Variants in NWD1 observed in about 807,000 individuals in gnomAD.
NWD1 encodes the protein NACHT and WD repeat domain containing 1.
NWD1 carries 129 observed loss-of-function variants against 135.1 expected under a neutral mutation model. The observed-to-expected ratio is 0.96, with a 90% confidence interval of 0.83 to 1.11. The LOEUF is 1.11. Ranked by LOEUF, NWD1 falls within the 50% of genes least tolerant of loss-of-function variation. The pLI, the probability that NWD1 is intolerant of heterozygous loss-of-function variation, is 0.00. For missense variants in NWD1, 1,740 were observed against 1,851.3 expected (o/e 0.94, Z 1.10); for synonymous variants, 773 against 786.0 (o/e 0.98, Z 0.28).
intron 12 of NWD1, among the ~76,000 whole-genome samples, chr19:16,784,741 C>T (rs934278199): frequency 3.3e-5 from 5 of 151,722 alleles, no homozygotes; most frequent in Admixed American, 6.6e-5. Context: ...CCATCCTGGC[C>T]AACATGGTGA....
intron 3 of NWD1, 91 bp downstream of exon 3, chr19:16,731,369 CG>C (rs1967556635): frequency 8.2e-6 from 6 of 729,860 alleles, no homozygotes; most frequent in Non-Finnish European, 1.1e-5. Context: ...TGCAGTGGTG[CG>C]ATCTCGGCTC....
rs540795748 is a variant in NWD1, at chr19:16,738,726, T to A, written c.198+1976T>A. On this transcript the variant is annotated intron_variant, in intron 4 of 18. Coordinates refer to ENST00000524140, the MANE Select transcript of NWD1 (RefSeq NM_001007525.5). ...GAATAATGGGCAAAACATATATATA[T>A]AATCTATATATAATATATATATTAT... is the stretch of plus-strand genomic sequence containing the variant. Among the ~76,000 whole-genome samples the A allele has an allele frequency of 2.8e-5, 4 of 143,228 alleles. No homozygotes were observed. The South Asian group carries it at 8.5e-4, about 30-fold the overall frequency. 94.0% of individuals were successfully genotyped at this position (143,228 alleles called of 152,430 possible). A position where few individuals can be genotyped will look rare whatever the true frequency, so the allele number is the denominator to read the frequency against.
At position 16,741,554 on chromosome 19, in the gene NWD1, A is replaced by G. The variant is rs565147082; in HGVS notation, c.199-2867A>G. Among the ~76,000 whole-genome samples the G allele has an allele frequency of 2.0e-5, 3 of 151,564 alleles. No individual in the cohort carries two copies. In the South Asian group the frequency reaches 6.3e-4, roughly 32 times the overall value. On this transcript the variant is annotated intron_variant, in intron 4 of 18. Coordinates refer to ENST00000524140, the MANE Select transcript of NWD1 (RefSeq NM_001007525.5). ...CTAATTATTTTTATATTTTTAATAGATATGGGGTTTCGCTATGTTGGCCAG... is the reference window on the plus strand; with the variant it reads ...CTAATTATTTTTATATTTTTAATAGGTATGGGGTTTCGCTATGTTGGCCAG...
At chr19:16,776,345 G>A (rs1267551516) in intron 11 of NWD1, among the ~76,000 whole-genome samples, 2 of 151,840 alleles carry the variant, frequency 1.3e-5, no homozygotes, top group Non-Finnish European at 2.9e-5. Context: ...TGAGGCAGGT[G>A]GATCATGAGA....
intron 11 of NWD1, 45 bp downstream of exon 11, chr19:16,773,368 G>C (rs1228184428): frequency 6.4e-7 from 1 of 1,550,556 alleles, no homozygotes; most frequent in East Asian, 2.3e-5. Context: ...GCACCTGCTT[G>C]CCTGGGGGCA....
At chr19:16,800,763 G>A (rs767533905) in intron 17 of NWD1, among the ~76,000 whole-genome samples, 4 of 151,986 alleles carry the variant, frequency 2.6e-5, no homozygotes, top group Non-Finnish European at 4.4e-5. Context: ...ATTCAGGAAC[G>A]CCCCACATTC....
At chr19:16,751,111 C>A (rs1968559541) in intron 6 of NWD1, among the ~76,000 whole-genome samples, 1 of 151,468 alleles carries the variant, frequency 6.6e-6, no homozygotes, top group African/African-American at 2.4e-5. Flanking sequence ...GTAATCCCAG[C>A]TACTTGGGAG....
intron 10 of NWD1, among the ~76,000 whole-genome samples, chr19:16,771,441 C>A: frequency 6.6e-6 from 1 of 152,130 alleles, no homozygotes; most frequent in East Asian, 1.9e-4. Flanking sequence ...CAGAGCAAGA[C>A]TCTGTCTCAA....
chr19:16,757,415 A>G (rs1476640843), intron 6 of NWD1, among the ~76,000 whole-genome samples: 1 of 152,200 alleles, frequency 6.6e-6, no homozygotes, highest in Admixed American at 6.5e-5. Context: ...GGAAGGACCA[A>G]TGAGATCATA....
In NWD1 at chr19:16,785,657, T is replaced by A. The variant is rs192151908; in HGVS notation, c.2732-3325T>A. On this transcript the variant is annotated intron_variant, in intron 12 of 18. Coordinates refer to ENST00000524140, the MANE Select transcript of NWD1 (RefSeq NM_001007525.5). Reference sequence around the variant, plus strand: ...ACACTTATATATACATATTTTAATCTATATTTTTGTGTATGTATATATTTA... The same window carrying A: ...ACACTTATATATACATATTTTAATCAATATTTTTGTGTATGTATATATTTA... 4.8e-4 allele frequency among the ~76,000 whole-genome samples: 72 copies of A among 150,266 alleles called. 1 individual carries two copies. Among genetic ancestry groups the A allele is most frequent in the African/African-American group, 1.7e-3 (70 of 41,234 alleles).
At chr19:16,809,786 T>C (rs1245827833) in intron 18 of NWD1, among the ~76,000 whole-genome samples, 1 of 151,746 alleles carries the variant, frequency 6.6e-6, no homozygotes, top group East Asian at 2.0e-4. Flanking sequence ...CTCAATCTCC[T>C]GACCTCGTGA....
At chr19:16,769,520 C>CCAT (rs1969342987) in intron 10 of NWD1, among the ~76,000 whole-genome samples, 4 of 152,052 alleles carry the variant, frequency 2.6e-5, no homozygotes, top group Non-Finnish European at 4.4e-5. Context: ...AGATGGTTCT[C>CCAT]CCATTGTCCT....
intron 16 of NWD1, among the ~76,000 whole-genome samples, 154 bp downstream of exon 16, chr19:16,798,040 C>A (rs1047557110): frequency 6.6e-6 from 1 of 152,102 alleles, no homozygotes; most frequent in Non-Finnish European, 1.5e-5. Context: ...GTGTATCCTC[C>A]GCCCCAGTGG....
intron 14 of NWD1, among the ~76,000 whole-genome samples, chr19:16,793,799 A>G (rs143504850): frequency 6.7e-4 from 94 of 139,976 alleles, no homozygotes; most frequent in African/African-American, 2.5e-3. Context: ...ATAGTCTCAA[A>G]CTCCTGACCT....
intron 10 of NWD1, among the ~76,000 whole-genome samples, chr19:16,767,982 C>CTTTT (rs963453075): frequency 1.4e-3 from 116 of 83,600 alleles, no homozygotes; most frequent in Non-Finnish European, 1.7e-3. Flanking sequence ...AATTTCCTTC[C>CTTTT]TTTTTTTTTT....
At chr19:16,766,883 A>G (rs1568364935) in intron 10 of NWD1, among the ~76,000 whole-genome samples, 1 of 152,000 alleles carries the variant, frequency 6.6e-6, no homozygotes, top group African/African-American at 2.4e-5. Context: ...ACTGTGCCTG[A>G]CCCCCATCTT....
chr19:16,746,397 G>A (rs767858877), intron 5 of NWD1, among the ~76,000 whole-genome samples: 63 of 146,290 alleles, frequency 4.3e-4, no homozygotes, highest in Non-Finnish European at 8.0e-4. Context: ...ACAGTTGGCC[G>A]GGTGCGGTGG....
chr19:16,771,284 T>C (rs1002707575), intron 10 of NWD1, among the ~76,000 whole-genome samples: 1 of 152,126 alleles, frequency 6.6e-6, no homozygotes, highest in Non-Finnish European at 1.5e-5. Context: ...ACCCCATCTC[T>C]ACTAAAAATA....
intron 3 of NWD1, 51 bp downstream of exon 3, chr19:16,731,329 C>T (rs1232588469): frequency 2.9e-5 from 32 of 1,120,502 alleles, no homozygotes; most frequent in South Asian, 8.0e-5. Context: ...TTTTTTGACA[C>T]GTAGTTCTTG....
Sources: allele counts gnomAD v4.1 joint callset (sites outside exome capture counted in the v4.1 genomes callset), GRCh38; gene constraint gnomAD v4.1.1; transcripts MANE v1.5; gene names NCBI Gene and HGNC (gene_info 2026-07-23, HGNC 2026-07-21).